SPMAP1: variants seen among roughly 807,000 people sequenced by gnomAD.
The protein encoded by SPMAP1 is sperm microtubule associated protein 1, also known as uncharacterized protein C17orf98.
the SPMAP1 span, chr17:38,841,189 A>G: frequency 2.9e-5 from 46 of 1,613,600 alleles, no homozygotes; most frequent in African/African-American, 6.0e-4. Context: ...ATACCTGATC[A>G]GTTTTCCGCA....
chr17:38,835,343 T>G, the SPMAP1 span: 1 of 1,614,128 alleles, frequency 6.2e-7, no homozygotes, highest in Non-Finnish European at 8.5e-7. Context: ...CTGGAGAGAA[T>G]GCCCTTGGGG....
At chr17:38,838,734 C>CT in the SPMAP1 span, among the ~76,000 whole-genome samples, 1 of 152,160 alleles carries the variant, frequency 6.6e-6, no homozygotes, top group South Asian at 2.1e-4. Context: ...AGCTGTGCCA[C>CT]TGCACTTCCA....
At chr17:38,836,553 T>C in the SPMAP1 span, among the ~76,000 whole-genome samples, 33 of 150,746 alleles carry the variant, frequency 2.2e-4, no homozygotes, top group African/African-American at 8.0e-4. Context: ...TGAGTAGTAA[T>C]TGTGCTACTG....
At chr17:38,835,379 C>CA in the SPMAP1 span, 1 of 1,610,386 alleles carries the variant, frequency 6.2e-7, no homozygotes, top group Non-Finnish European at 8.5e-7. Flanking sequence ...CCTGAGCCTG[C>CA]ATTCAGCCCA....
the SPMAP1 span, among the ~76,000 whole-genome samples, chr17:38,838,820 C>T: frequency 6.6e-6 from 1 of 150,512 alleles, no homozygotes; most frequent in Admixed American, 6.6e-5. Flanking sequence ...TGCGGTGGCC[C>T]ACGCCTGTAA....
the SPMAP1 span, chr17:38,837,054 G>A: frequency 1.2e-6 from 1 of 869,208 alleles, no homozygotes; most frequent in Non-Finnish European, 2.0e-6. Context: ...AAGCTGGAAG[G>A]ATGCAGTCCC....
the SPMAP1 span, among the ~76,000 whole-genome samples, chr17:38,836,166 G>A: frequency 1.3e-5 from 2 of 152,020 alleles, no homozygotes; most frequent in Admixed American, 6.6e-5. Flanking sequence ...CGCCTGCCTC[G>A]GCCTCCCAAA....
the SPMAP1 span, chr17:38,835,389 A>G: frequency 6.2e-7 from 1 of 1,606,068 alleles, no homozygotes; most frequent in African/African-American, 1.3e-5. Flanking sequence ...CATTCAGCCC[A>G]CCTCTTGGCT....
At chr17:38,835,362 A>T in the SPMAP1 span, 6 of 1,613,754 alleles carry the variant, frequency 3.7e-6, no homozygotes, top group Non-Finnish European at 5.1e-6. Flanking sequence ...GGACAAGGAG[A>T]GAGAGGCCTG....
chr17:38,837,974 C>T, the SPMAP1 span, among the ~76,000 whole-genome samples: 7 of 152,070 alleles, frequency 4.6e-5, no homozygotes, highest in East Asian at 1.9e-4. Context: ...CTGCAACCTC[C>T]GCTTCCTGGG....
the SPMAP1 span, among the ~76,000 whole-genome samples, chr17:38,839,135 G>T: frequency 1.4e-5 from 2 of 146,240 alleles, no homozygotes; most frequent in African/African-American, 2.5e-5. Context: ...TTCAAAATAT[G>T]TATACCCTAT....
At chr17:38,840,929 C>T in the SPMAP1 span, among the ~76,000 whole-genome samples, 5 of 151,554 alleles carry the variant, frequency 3.3e-5, no homozygotes, top group South Asian at 1.0e-3. Flanking sequence ...TCGCTTGAAC[C>T]CGGGAGGCTG....
chr17:38,835,239 G>A, the SPMAP1 span: 20 of 1,614,100 alleles, frequency 1.2e-5, no homozygotes, highest in East Asian at 4.5e-5. Context: ...GTGCTCTGAC[G>A]GAGGGCTGGA....
the SPMAP1 span, chr17:38,835,141 A>T: frequency 1.9e-6 from 3 of 1,588,052 alleles, no homozygotes; most frequent in Non-Finnish European, 2.6e-6. Context: ...TCATCTAAAC[A>T]TTTGTCTTAG....
chr17:38,840,030 A>G, the SPMAP1 span, among the ~76,000 whole-genome samples: 2 of 152,132 alleles, frequency 1.3e-5, no homozygotes, highest in Non-Finnish European at 2.9e-5. Flanking sequence ...GAAAAATTGA[A>G]CCATCAGCAA....
At chr17:38,835,235 T>C in the SPMAP1 span, 32 of 1,614,258 alleles carry the variant, frequency 2.0e-5, no homozygotes, top group Non-Finnish European at 2.7e-5. Context: ...GGACGTGCTC[T>C]GACGGAGGGC....
the SPMAP1 span, among the ~76,000 whole-genome samples, chr17:38,838,788 GA>G: frequency 1.3e-5 from 2 of 150,198 alleles, no homozygotes; most frequent in Non-Finnish European, 3.0e-5. Flanking sequence ...AAGAAAATTA[GA>G]AAGCCTTTTT....
chr17:38,841,321 G>T, the SPMAP1 span: 1 of 1,614,148 alleles, frequency 6.2e-7, no homozygotes, highest in Admixed American at 1.7e-5. Context: ...GGGCAGCGGT[G>T]CTCACAGCCA....
chr17:38,837,737 G>A, the SPMAP1 span, among the ~76,000 whole-genome samples: 2 of 152,102 alleles, frequency 1.3e-5, no homozygotes, highest in South Asian at 4.2e-4. Flanking sequence ...CTCTCCGGGA[G>A]GGGCAGTTGA....
Sources: gnomAD v4.1 joint callset for allele counts (sites outside exome capture counted in the v4.1 genomes callset) on GRCh38, gnomAD v4.1.1 for gene constraint, MANE v1.5 for transcripts, NCBI Gene and HGNC (gene_info 2026-07-23, HGNC 2026-07-21) for gene names.